TBC1D2B: variants seen among roughly 807,000 people sequenced by gnomAD.
TBC1D2B encodes the protein TBC1 domain family member 2B.
Under a neutral mutation model 100.8 loss-of-function variants are expected in TBC1D2B, and 64 were observed. The ratio of observed to expected loss-of-function variants is 0.64; its 90% confidence interval spans 0.52 to 0.78. TBC1D2B has a LOEUF of 0.78. Ranked by LOEUF, TBC1D2B falls within the 30% of genes least tolerant of loss-of-function variation. The pLI, the probability that TBC1D2B is intolerant of heterozygous loss-of-function variation, is 0.00. For synonymous variants in TBC1D2B, 480 were observed against 479.7 expected (o/e 1.00, Z -0.01); for missense variants, 1,052 against 1,218.4 (o/e 0.86, Z 2.03).
chr15:78,070,701 A>G lies in TBC1D2B; in HGVS notation c.360+6592T>C, dbSNP rs184320644. ...GAAACAGGGTCTCCCTCTGTCACCC[A>G]GGCTGGAGTACAGTGGAGCAAACAC... On this transcript the variant is annotated intron_variant, in intron 1 of 12. Transcript: ENST00000300584. Among the ~76,000 whole-genome samples the G allele has an allele frequency of 2.5e-3, 375 of 152,348 alleles. 3 individuals are homozygous for G. Among genetic ancestry groups the G allele is most frequent in the African/African-American group, 8.7e-3 (362 of 41,580 alleles).
chr15:78,033,196 T>G (rs2072859684), intron 3 of TBC1D2B, among the ~76,000 whole-genome samples: 1 of 152,244 alleles, frequency 6.6e-6, no homozygotes, highest in Non-Finnish European at 1.5e-5. Flanking sequence ...AGAGACATCT[T>G]AATTCATTTG....
Position 78,024,149 on chromosome 15 carries a change from C to A in TBC1D2B, c.1470+7G>T. 1 of 1,604,768 alleles carries A rather than the reference C, an allele frequency of 6.2e-7. No individual in the cohort carries two copies. The highest frequency in any genetic ancestry group is 8.5e-7 in the Non-Finnish European group (1 of 1,174,850). The stretch of plus-strand genomic sequence containing the variant: ...GCCAATCACCAGAGCCCCTGCCCCA[C>A]TCTTACTTTCAGCCTGTCCAGTTCC... On this transcript the variant is annotated splice_region_variant and intron_variant, in intron 6 of 12. Coordinates refer to ENST00000300584, the MANE Select transcript of TBC1D2B (RefSeq NM_144572.2).
intron 6 of TBC1D2B, among the ~76,000 whole-genome samples, chr15:78,019,409 T>C (rs955839606): frequency 6.6e-6 from 1 of 152,182 alleles, no homozygotes; most frequent in African/African-American, 2.4e-5. Flanking sequence ...GCCAGACCAG[T>C]GGGCTCTTAG....
At chr15:78,037,271 C>T (rs566663490) in intron 3 of TBC1D2B, among the ~76,000 whole-genome samples, 5 of 152,268 alleles carry the variant, frequency 3.3e-5, no homozygotes, top group East Asian at 1.9e-4. Context: ...TTGAGACACA[C>T]CCTGTTCTGA....
At chr15:78,071,676 A>G (rs535219434) in intron 1 of TBC1D2B, among the ~76,000 whole-genome samples, 1 of 152,332 alleles carries the variant, frequency 6.6e-6, no homozygotes, top group African/African-American at 2.4e-5. Flanking sequence ...AATGGCATGT[A>G]ATACACCTGT....
Position 78,024,492 on chromosome 15 carries a change from G to T in TBC1D2B, c.1134C>A (p.Asp378Glu), listed in dbSNP as rs200759360. ...LQQTVRSSQY[D>E]KYFTSSRLCE... ...AGAGCCGGCTGCTTGTGAAATACTT[G>T]TCATACTGGGATGACCGGACTGTCT... Residue 378 changes from aspartate (D) to glutamate (E), a missense_variant, in exon 6 of 13, where the codon GAC (aspartate) becomes GAA (glutamate). Around this residue, in one of 4 missense-constraint regions of TBC1D2B, gnomAD observed 627 missense variants for 646.1 expected, o/e 0.97. Coordinates refer to ENST00000300584, the MANE Select transcript of TBC1D2B (RefSeq NM_144572.2). 62 of 1,613,966 alleles carry T rather than the reference G, an allele frequency of 3.8e-5. No individual in the cohort carries two copies. Among genetic ancestry groups the T allele is most frequent in the Admixed American group, 3.5e-4 (21 of 60,030 alleles).
intron 2 of TBC1D2B, among the ~76,000 whole-genome samples, chr15:78,053,558 T>C (rs1201871905): frequency 6.6e-6 from 1 of 152,236 alleles, no homozygotes; most frequent in African/African-American, 2.4e-5. Flanking sequence ...AGAAATGCCA[T>C]GAATCCAGGA....
intron 9 of TBC1D2B, among the ~76,000 whole-genome samples, chr15:78,009,838 G>A (rs183075908): frequency 1.4e-3 from 206 of 151,818 alleles, no homozygotes; most frequent in African/African-American, 4.7e-3. Context: ...AGCCAGGCGC[G>A]GTGGCGGGCG....
intron 3 of TBC1D2B, among the ~76,000 whole-genome samples, chr15:78,035,565 G>T (rs1027291741): frequency 6.6e-6 from 1 of 152,194 alleles, no homozygotes; most frequent in African/African-American, 2.4e-5. Flanking sequence ...CCAGACTACA[G>T]GCCCTGTTAA....
intron 1 of TBC1D2B, among the ~76,000 whole-genome samples, chr15:78,056,686 CTTTTTTTTTTTTT>C (rs368714497): frequency 0.51 from 58,338 of 113,748 alleles, 13,756 homozygotes; most frequent in East Asian, 0.63. Context: ...CAGTCCTCCT[CTTTTTTTTTTTTT>C]TTTTTTTTTT....
intron 12 of TBC1D2B, chr15:77,998,853 G>A (rs115632818): frequency 0.02 from 3,325 of 169,490 alleles, 133 homozygotes; most frequent in African/African-American, 0.076. Flanking sequence ...CAGTCCTGGC[G>A]ATGACTGTCA....
At chr15:78,018,022 T>C (rs763502956) in intron 6 of TBC1D2B, 65 bp from the exon 7 acceptor site, 89 of 841,004 alleles carry the variant, frequency 1.1e-4, no homozygotes, top group Non-Finnish European at 1.6e-4. Flanking sequence ...AATTACCCTA[T>C]GTAGTCAGTA....
chr15:78,045,147 G>T, intron 2 of TBC1D2B, 79 bp from the exon 3 acceptor site: 2 of 1,279,202 alleles, frequency 1.6e-6, no homozygotes, highest in South Asian at 1.5e-5. Context: ...ACACTGACTT[G>T]ACATACTATA....
rs564539966 is a variant in TBC1D2B at position 78,056,767 on chromosome 15, T to C, written c.361-2580A>G. 9.1e-5 allele frequency among the ~76,000 whole-genome samples: 13 copies of C among 143,312 alleles called. No individual in the cohort carries two copies. The South Asian group carries it at 2.8e-3, about 31-fold the overall frequency. The allele number at this position is 143,312 out of a possible 152,430, so 94.0% of individuals were successfully genotyped here. A position where few individuals can be genotyped will look rare whatever the true frequency, so the allele number is the denominator to read the frequency against. On this transcript the variant is annotated intron_variant, in intron 1 of 12. Coordinates refer to ENST00000300584, the MANE Select transcript of TBC1D2B (RefSeq NM_144572.2). The stretch of plus-strand genomic sequence containing the variant: ...AAAGGGAAGTGACTTGTCTAGGTCA[T>C]ACAGGGAGTCAATACTGTGAGCCCA...
rs1444184968 is a variant in TBC1D2B at position 78,047,200 on chromosome 15, G to A, written c.515-2132C>T. Among the ~76,000 whole-genome samples, 32 of 144,094 alleles carry A rather than the reference G, an allele frequency of 2.2e-4. 1 individual carries two copies. 94.5% of individuals were successfully genotyped at this position (144,094 alleles called of 152,430 possible). A position where few individuals can be genotyped will look rare whatever the true frequency, so the allele number is the denominator to read the frequency against. On this transcript the variant is annotated intron_variant, in intron 2 of 12. Coordinates refer to ENST00000300584, the MANE Select transcript of TBC1D2B (RefSeq NM_144572.2). ...TTTTTTTGAGACTGGGTCTCACTCT[G>A]TCACTAAGGCCTGGAGTGCAGTGGT...
In TBC1D2B at chr15:78,025,252, A is replaced by T. The variant is rs755679290; in HGVS notation, c.1086+7T>A. 1.8e-4 allele frequency: 289 copies of T among 1,611,234 alleles called. 1 individual carries two copies. Among genetic ancestry groups the T allele is most frequent in the Non-Finnish European group, 2.2e-4 (261 of 1,178,240 alleles). On this transcript the variant is annotated splice_region_variant and intron_variant, in intron 5 of 12. Coordinates refer to ENST00000300584, the MANE Select transcript of TBC1D2B (RefSeq NM_144572.2). ...GGGGTAAGACAGAAGCCAGAAGAAG[A>T]AGTTACCTTCTGACTGGACAGGTCT...
At chr15:78,057,659 T>C (rs1224653503) in intron 1 of TBC1D2B, among the ~76,000 whole-genome samples, 2 of 151,516 alleles carry the variant, frequency 1.3e-5, no homozygotes, top group Admixed American at 1.3e-4. Context: ...AAAAAAAAAA[T>C]CTAGAGATCA....
intron 2 of TBC1D2B, among the ~76,000 whole-genome samples, chr15:78,046,208 A>G (rs1413420425): frequency 6.6e-6 from 1 of 152,242 alleles, no homozygotes; most frequent in Non-Finnish European, 1.5e-5. Context: ...CTGGGATTAC[A>G]GGCATGAGCC....
intron 6 of TBC1D2B, among the ~76,000 whole-genome samples, chr15:78,019,733 C>CA (rs926473340): frequency 4.6e-5 from 7 of 151,412 alleles, no homozygotes; most frequent in Admixed American, 1.3e-4. Flanking sequence ...ACTAAAAATA[C>CA]AAAAAAAATT....
Sources: gnomAD v4.1 joint callset for allele counts (sites outside exome capture counted in the v4.1 genomes callset) on GRCh38, gnomAD v4.1.1 for gene constraint, gnomAD v4.1.1 regional missense constraint, MANE v1.5 for transcripts, NCBI Gene and HGNC (gene_info 2026-07-23, HGNC 2026-07-21) for gene names.